TMEM181: variants seen among roughly 807,000 people sequenced by gnomAD.
The protein encoded by TMEM181 is transmembrane protein 181, also known as G protein-coupled receptor 178.
A neutral mutation model predicts 71.9 loss-of-function variants in TMEM181; 39 were observed. The ratio of observed to expected loss-of-function variants is 0.54; its 90% CI spans 0.42 to 0.71. The LOEUF (loss-of-function observed/expected upper bound fraction) is 0.71. Among genes scored for constraint, TMEM181 ranks in the 30% least tolerant of loss-of-function variants. The pLI, the probability that TMEM181 is intolerant of heterozygous loss-of-function variation, is 0.00. For synonymous variants in TMEM181, 245 were observed against 228.8 expected (o/e 1.07, Z -0.64); for missense variants, 595 against 583.0 (o/e 1.02, Z -0.21).
At chr6:158,560,827 T>C (rs1229636061) in intron 1 of TMEM181, among the ~76,000 whole-genome samples, 15 of 139,970 alleles carry the variant, frequency 1.1e-4, no homozygotes, top group Admixed American at 6.4e-4. Context: ...TTTTTTTTTT[T>C]CTTTACCTCT....
intron 10 of TMEM181, 52 bp from the exon 11 acceptor site, chr6:158,623,498 A>G: frequency 1.6e-6 from 2 of 1,213,770 alleles, no homozygotes; most frequent in Non-Finnish European, 2.3e-6. Flanking sequence ...AATGTAAAAT[A>G]AAAAGTAAAG....
intron 11 of TMEM181, among the ~76,000 whole-genome samples, chr6:158,624,895 G>A (rs1468090941): frequency 6.6e-6 from 1 of 152,206 alleles, no homozygotes; most frequent in Non-Finnish European, 1.5e-5. Flanking sequence ...CAAGGCCTGG[G>A]GTGTCGTCCA....
intron 13 of TMEM181, among the ~76,000 whole-genome samples, chr6:158,628,070 G>A (rs536764680): frequency 6.6e-6 from 1 of 152,300 alleles, no homozygotes; most frequent in Admixed American, 6.5e-5. Context: ...GAAAACCTGA[G>A]TTACAAAAGC....
intron 8 of TMEM181, among the ~76,000 whole-genome samples, 171 bp downstream of exon 8, chr6:158,607,514 A>G (rs1785019787): frequency 6.6e-6 from 1 of 152,156 alleles, no homozygotes; most frequent in South Asian, 2.1e-4. Flanking sequence ...TCTACAAAAA[A>G]TAAAATTTAG....
intron 5 of TMEM181, among the ~76,000 whole-genome samples, chr6:158,589,268 T>C (rs1267354528): frequency 2.6e-5 from 4 of 152,194 alleles, no homozygotes; most frequent in Non-Finnish European, 4.4e-5. Context: ...TTCATTATTA[T>C]AACAATCGCA....
At chr6:158,539,245 G>A (rs1781249853) in intron 1 of TMEM181, among the ~76,000 whole-genome samples, 1 of 152,152 alleles carries the variant, frequency 6.6e-6, no homozygotes, top group Admixed American at 6.5e-5. Context: ...GTATAGACAG[G>A]GCAGTTAGGC....
chr6:158,564,232 A>G (rs1782353196), intron 1 of TMEM181, among the ~76,000 whole-genome samples: 1 of 152,190 alleles, frequency 6.6e-6, no homozygotes, highest in African/African-American at 2.4e-5. Context: ...TGAGGGGCCA[A>G]ACAGTGAATG....
At chr6:158,563,406 A>C (rs1438474682) in intron 1 of TMEM181, among the ~76,000 whole-genome samples, 2 of 152,014 alleles carry the variant, frequency 1.3e-5, no homozygotes, top group African/African-American at 2.4e-5. Flanking sequence ...AGCCTCCCAA[A>C]GTGCTGGGAC....
At chr6:158,572,910 G>A (rs540446927) in intron 1 of TMEM181, among the ~76,000 whole-genome samples, 196 of 151,556 alleles carry the variant, frequency 1.3e-3, no homozygotes, top group African/African-American at 4.6e-3. Context: ...TTGTGAGGTT[G>A]TGAGGTTGTG....
Position 158,583,947 on chromosome 6 carries a change from TC to T in TMEM181, c.169-6del. 1 of 1,590,648 alleles carries T rather than the reference TC, an allele frequency of 6.3e-7. No homozygotes were observed. Among genetic ancestry groups the T allele is most frequent in the Non-Finnish European group, 8.6e-7 (1 of 1,168,408 alleles). Reference sequence around the variant, plus strand: ...TCACATGGATTACTTTGTTTTTTTTTCTTCAGCTAAAGCCAATTCAAATACT... The same window carrying T: ...TCACATGGATTACTTTGTTTTTTTTTTTCAGCTAAAGCCAATTCAAATACT... On this transcript the variant is annotated splice_polypyrimidine_tract_variant and splice_region_variant and intron_variant, in intron 3 of 16. Coordinates refer to ENST00000684151, the MANE Select transcript of TMEM181 (RefSeq NM_001376852.1).
intron 1 of TMEM181, among the ~76,000 whole-genome samples, chr6:158,569,261 A>C (rs1342498495): frequency 1.3e-5 from 2 of 152,264 alleles, no homozygotes; most frequent in African/African-American, 4.8e-5. Flanking sequence ...TGCAGGCTGC[A>C]GAGGGTCCCA....
chr6:158,617,675 GTGTCTTTGTTCTC>G (rs1003035238), intron 10 of TMEM181, among the ~76,000 whole-genome samples: 2 of 152,116 alleles, frequency 1.3e-5, no homozygotes, highest in Non-Finnish European at 2.9e-5. Context: ...CTGGTATGTT[GTGTCTTTGTTCTC>G]ATTGGTTTCA....
At chr6:158,596,330 G>C (rs1784389776) in intron 6 of TMEM181, among the ~76,000 whole-genome samples, 2 of 152,238 alleles carry the variant, frequency 1.3e-5, no homozygotes, top group African/African-American at 4.8e-5. Flanking sequence ...TCTTGAGACA[G>C]CTCTTGCTTC....
In TMEM181 at chr6:158,599,782, G is replaced by T. The variant is rs553833757; in HGVS notation, c.493-5485G>T. 7.9e-5 allele frequency among the ~76,000 whole-genome samples: 12 copies of T among 152,348 alleles called. No individual in the cohort carries two copies. In the East Asian group the frequency reaches 2.1e-3, roughly 27 times the overall value. ...GAGGGGCCAGGGCCCTACTCTCGGG[G>T]CTTCCTGCAGCTTGCTTGGGAAAAC... On this transcript the variant is annotated intron_variant, in intron 6 of 16. Transcript: ENST00000684151.
At chr6:158,572,705 C>T (rs1045144475) in intron 1 of TMEM181, among the ~76,000 whole-genome samples, 1 of 152,226 alleles carries the variant, frequency 6.6e-6, no homozygotes, top group African/African-American at 2.4e-5. Flanking sequence ...TGATCCCTGC[C>T]TCCTAGAGTT....
chr6:158,619,912 A>AG (rs1785859231), intron 10 of TMEM181, among the ~76,000 whole-genome samples: 1 of 149,618 alleles, frequency 6.7e-6, no homozygotes, highest in African/African-American at 2.5e-5. Flanking sequence ...GAGGGGTGCA[A>AG]GGTTGACATA....
At chr6:158,598,568 G>A (rs1784505715) in intron 6 of TMEM181, among the ~76,000 whole-genome samples, 3 of 151,876 alleles carry the variant, frequency 2.0e-5, no homozygotes, top group Admixed American at 6.6e-5. Flanking sequence ...TCAGACCTGT[G>A]CTTGCTACAT....
rs1296780827 is a variant in TMEM181 at position 158,603,344 on chromosome 6, C to T, written c.493-1923C>T. The stretch of plus-strand genomic sequence containing the variant: ...TTTATCATTAGATTCTCGTAAGGAG[C>T]GTGCAGCCTAGATCCCTCGCCTGCA... On this transcript the variant is annotated intron_variant, in intron 6 of 16. Transcript: ENST00000684151. 5.3e-5 allele frequency among the ~76,000 whole-genome samples: 8 copies of T among 152,124 alleles called. 1 individual carries two copies. The South Asian group carries it at 8.3e-4, about 16-fold the overall frequency.
intron 1 of TMEM181, among the ~76,000 whole-genome samples, chr6:158,568,784 G>A (rs927229770): frequency 1.3e-5 from 2 of 152,116 alleles, no homozygotes; most frequent in Non-Finnish European, 2.9e-5. Flanking sequence ...CAGCCGCTGT[G>A]GTCACTGAGC....
Sources: allele counts gnomAD v4.1 joint callset (sites outside exome capture counted in the v4.1 genomes callset), GRCh38; gene constraint gnomAD v4.1.1; transcripts MANE v1.5; gene names NCBI Gene and HGNC (gene_info 2026-07-23, HGNC 2026-07-21).